The following ARB2A variants were observed in gnomAD, a reference collection of about 807,000 sequenced individuals.
ARB2A encodes the protein cotranscriptional regulator ARB2A.
chr5:94,022,405 C>T, the ARB2A span, among the ~76,000 whole-genome samples: 1 of 152,126 alleles, frequency 6.6e-6, no homozygotes, highest in Non-Finnish European at 1.5e-5. Context: ...AGAAAGACTG[C>T]ATACAATGAT....
chr5:93,869,560 T>C, the ARB2A span, among the ~76,000 whole-genome samples: 2 of 152,162 alleles, frequency 1.3e-5, no homozygotes, highest in African/African-American at 2.4e-5. Flanking sequence ...CTTAATTGCA[T>C]TACTTCTTTT....
chr5:94,002,606 C>G, the ARB2A span, among the ~76,000 whole-genome samples: 1 of 151,982 alleles, frequency 6.6e-6, no homozygotes, highest in South Asian at 2.1e-4. Flanking sequence ...TCTAAAAAGC[C>G]TTGTTGCTTT....
chr5:93,949,366 T>C, the ARB2A span, among the ~76,000 whole-genome samples: 1 of 151,734 alleles, frequency 6.6e-6, no homozygotes, highest in Non-Finnish European at 1.5e-5. Flanking sequence ...ATCAAGACCA[T>C]CCTGGCCAAC....
chr5:93,830,311 G>GTGTATGTGTGTGTGTATATATA, the ARB2A span, among the ~76,000 whole-genome samples: 19 of 82,258 alleles, frequency 2.3e-4, no homozygotes, highest in Non-Finnish European at 3.1e-4. Flanking sequence ...GTGTGTGTGT[G>GTGTATGTGTGTGTGTATATATA]TATATATATA....
chr5:93,900,726 G>A, the ARB2A span, among the ~76,000 whole-genome samples: 673 of 151,190 alleles, frequency 4.5e-3, 5 homozygotes, highest in Middle Eastern at 0.01. Context: ...CAGTGGAGAA[G>A]TACAGACAAA....
At chr5:93,765,369 G>A in the ARB2A span, among the ~76,000 whole-genome samples, 1 of 152,138 alleles carries the variant, frequency 6.6e-6, no homozygotes, top group African/African-American at 2.4e-5. Context: ...AAATCAATGT[G>A]CAAAAATCAC....
chr5:94,038,219 CAA>C, the ARB2A span, among the ~76,000 whole-genome samples: 1 of 152,050 alleles, frequency 6.6e-6, no homozygotes, highest in Admixed American at 6.6e-5. Flanking sequence ...TAAAATTTCA[CAA>C]GTTACATGCT....
chr5:93,749,932 A>G, the ARB2A span, among the ~76,000 whole-genome samples: 1 of 151,886 alleles, frequency 6.6e-6, no homozygotes, highest in Non-Finnish European at 1.5e-5. Context: ...TATTTCCTCT[A>G]CTCCCAACCC....
the ARB2A span, among the ~76,000 whole-genome samples, chr5:93,699,638 C>T: frequency 1.3e-5 from 2 of 151,994 alleles, no homozygotes; most frequent in Non-Finnish European, 2.9e-5. Context: ...ATGTAAAAAT[C>T]TGTCCTCCCC....
At chr5:94,060,220 T>C in the ARB2A span, among the ~76,000 whole-genome samples, 15 of 152,094 alleles carry the variant, frequency 9.9e-5, no homozygotes, top group South Asian at 3.1e-3. Context: ...TGTGTGGTGG[T>C]GCGCACCTAT....
chr5:93,944,658 G>A, the ARB2A span, among the ~76,000 whole-genome samples: 1 of 151,452 alleles, frequency 6.6e-6, no homozygotes, highest in Non-Finnish European at 1.5e-5. Flanking sequence ...GAGAAAAGGA[G>A]GGAAAGAATG....
the ARB2A span, among the ~76,000 whole-genome samples, chr5:94,001,760 G>T: frequency 2.0e-5 from 3 of 152,016 alleles, no homozygotes; most frequent in African/African-American, 7.2e-5. Context: ...AATCATGGTT[G>T]TTTAAAATTC....
At chr5:93,970,764 T>A in the ARB2A span, among the ~76,000 whole-genome samples, 2 of 152,200 alleles carry the variant, frequency 1.3e-5, no homozygotes, top group African/African-American at 4.8e-5. Context: ...ACATATATCA[T>A]GTTTACATTA....
chr5:93,709,204 C>T, the ARB2A span, among the ~76,000 whole-genome samples: 2 of 152,132 alleles, frequency 1.3e-5, no homozygotes, highest in African/African-American at 4.8e-5. Flanking sequence ...ATTTTACTTG[C>T]ATGCTACATT....
chr5:93,790,794 G>C, the ARB2A span, among the ~76,000 whole-genome samples: 1 of 152,182 alleles, frequency 6.6e-6, no homozygotes, highest in African/African-American at 2.4e-5. Flanking sequence ...TACAGAGTAT[G>C]TCCAGAGGAA....
At chr5:93,990,761 T>A in the ARB2A span, among the ~76,000 whole-genome samples, 1 of 151,956 alleles carries the variant, frequency 6.6e-6, no homozygotes, top group East Asian at 1.9e-4. Context: ...ATAAAATGTA[T>A]TAAACTGTTT....
the ARB2A span, among the ~76,000 whole-genome samples, chr5:93,947,115 T>C: frequency 6.6e-6 from 1 of 152,214 alleles, no homozygotes; most frequent in Non-Finnish European, 1.5e-5. Flanking sequence ...TGATGAATCA[T>C]TTCTTCATAT....
At chr5:93,845,127 G>C in the ARB2A span, among the ~76,000 whole-genome samples, 14 of 152,278 alleles carry the variant, frequency 9.2e-5, 1 homozygote, top group East Asian at 2.1e-3. Context: ...ATCCCTATAA[G>C]GGGGATCTTG....
At chr5:94,075,604 A>G in the ARB2A span, among the ~76,000 whole-genome samples, 2 of 152,158 alleles carry the variant, frequency 1.3e-5, no homozygotes, top group Non-Finnish European at 2.9e-5. Context: ...GAAATTATAT[A>G]AAAACTACAT....
Sources: gnomAD v4.1 joint callset for allele counts (sites outside exome capture counted in the v4.1 genomes callset) on GRCh38, gnomAD v4.1.1 for gene constraint, MANE v1.5 for transcripts, NCBI Gene and HGNC (gene_info 2026-07-23, HGNC 2026-07-21) for gene names.